The following NOTCH2 variants were observed in gnomAD, a reference collection of about 807,000 sequenced individuals.
NOTCH2 encodes notch receptor 2.
In NOTCH2, 29 loss-of-function variants were observed where a neutral mutation model predicts 235.8. The observed-to-expected ratio is 0.12, with a 90% confidence interval of 0.09 to 0.17. The LOEUF is 0.17. Among genes scored for constraint, NOTCH2 ranks in the 10% least tolerant of loss-of-function variants. The pLI is 1.00. For synonymous variants in NOTCH2, 1,086 were observed against 1,141.5 expected (o/e 0.95, Z 0.98); for missense variants, 2,285 against 3,150.2 (o/e 0.73, Z 6.57).
chr1:119,928,005 G>A (rs17024526), intron 23 of NOTCH2, among the ~76,000 whole-genome samples: 2,394 of 152,216 alleles, frequency 0.016, 62 homozygotes, highest in African/African-American at 0.056. Context: ...CCTATTTTCT[G>A]ACTCCTAAGG....
In NOTCH2 at chr1:119,922,223, C is replaced by T. The variant is rs369976475; in HGVS notation, c.5213+13G>A. ...TATACTGTGAATAGTGGCTTATTGG[C>T]AATGCCTCTTACTTCAGCCCCACAG... On this transcript the variant is annotated intron_variant, in intron 28 of 33. Coordinates refer to ENST00000256646, the MANE Select transcript of NOTCH2 (RefSeq NM_024408.4). The T allele has an allele frequency of 1.2e-5, 19 of 1,612,768 alleles. No individual in the cohort carries two copies.
intron 19 of NOTCH2, among the ~76,000 whole-genome samples, chr1:119,938,482 T>C (rs782739944): frequency 1.6e-4 from 24 of 152,196 alleles, no homozygotes; most frequent in Admixed American, 5.2e-4. Context: ...ATAGCAGTCC[T>C]AGTGGTGGCA....
At chr1:120,041,935 A>C (rs371741594) in intron 1 of NOTCH2, among the ~76,000 whole-genome samples, 5 of 146,162 alleles carry the variant, frequency 3.4e-5, no homozygotes, top group Admixed American at 6.7e-5. Context: ...GGAAGGAAGC[A>C]AAAGAAAGAA....
intron 1 of NOTCH2, among the ~76,000 whole-genome samples, chr1:120,067,411 G>C (rs780548475): frequency 6.6e-6 from 1 of 152,028 alleles, no homozygotes; most frequent in South Asian, 2.1e-4. Flanking sequence ...GGAGGGCATA[G>C]TTTTATGCAC....
chr1:119,928,924 A>G, intron 23 of NOTCH2, 52 bp downstream of exon 23: 1 of 1,518,056 alleles, frequency 6.6e-7, no homozygotes, highest in Non-Finnish European at 9.1e-7. Flanking sequence ...CAATTTGTTC[A>G]CTAAAACCAT....
At chr1:120,000,491 G>A (rs78214059) in intron 3 of NOTCH2, among the ~76,000 whole-genome samples, 4 of 132,714 alleles carry the variant, frequency 3.0e-5, no homozygotes, top group African/African-American at 1.3e-4. Context: ...CCGAGATTGT[G>A]CCCTGCACTC....
At chr1:119,975,071 A>C (rs1651519430) in intron 5 of NOTCH2, among the ~76,000 whole-genome samples, 1 of 152,194 alleles carries the variant, frequency 6.6e-6, no homozygotes, top group Non-Finnish European at 1.5e-5. Flanking sequence ...TGGCAAAATA[A>C]TTAGAAGTGA....
chr1:119,920,414 A>G lies in NOTCH2; in HGVS notation c.5311-17T>C, dbSNP rs1188690364. 1.9e-6 allele frequency: 3 copies of G among 1,614,006 alleles called. No individual in the cohort carries two copies. The highest frequency in any genetic ancestry group is 2.2e-5 in the East Asian group (1 of 44,880). ...ATCTTCAGCCTGAAAGGTGAAAACA[A>G]TGCTCCCTATCAATCTGGCCACCAC... On this transcript the variant is annotated splice_polypyrimidine_tract_variant and intron_variant, in intron 29 of 33. Transcript: ENST00000256646.
chr1:119,965,350 G>A (rs1651095377), intron 10 of NOTCH2, 103 bp downstream of exon 10: 1 of 920,592 alleles, frequency 1.1e-6, no homozygotes, highest in East Asian at 2.4e-5. Flanking sequence ...GGAGCCTCTG[G>A]GAGTGGACTG....
Position 119,963,685 on chromosome 1 carries a change from C to T in NOTCH2, c.1804G>A (p.Ala602Thr), listed in dbSNP as rs140311741. The T allele has an allele frequency of 4.8e-4, 778 of 1,613,966 alleles. No homozygotes were observed. The highest frequency in any genetic ancestry group is 6.2e-4 in the Non-Finnish European group (736 of 1,179,986). ...TCATCAATCTGGTCACTGCAGATGGCGCCCATGTACCCGGGATTGCAGATG... is the reference window on the plus strand; with the variant it reads ...TCATCAATCTGGTCACTGCAGATGGTGCCCATGTACCCGGGATTGCAGATG... ...TCICNPGYMG[A>T]ICSDQIDECY... The change falls in exon 11 of 34, where the codon GCC becomes ACC. Residue 602 changes from alanine to threonine, a missense_variant. Physicochemically the swap from Ala to Thr is moderately conservative, Grantham distance 58. This residue lies in a region of NOTCH2 where 431 missense variants were observed against 757.8 expected (regional missense o/e 0.57). Transcript: ENST00000256646.
intron 18 of NOTCH2, 105 bp from the exon 19 acceptor site, chr1:119,940,861 T>A: frequency 1.0e-6 from 1 of 995,960 alleles, no homozygotes; most frequent in Non-Finnish European, 1.6e-6. Context: ...CAAATACCTC[T>A]GAGCAACCCA....
chr1:120,010,333 C>T (rs1553206761), intron 2 of NOTCH2, among the ~76,000 whole-genome samples: 1 of 151,946 alleles, frequency 6.6e-6, no homozygotes, highest in South Asian at 2.1e-4. Flanking sequence ...AATTTCTATC[C>T]AATTAAGTAA....
intron 26 of NOTCH2, 61 bp from the exon 27 acceptor site, chr1:119,922,839 G>T (rs935945419): frequency 4.0e-5 from 64 of 1,604,542 alleles, no homozygotes; most frequent in Non-Finnish European, 5.4e-5. Flanking sequence ...AAGAGTGCAG[G>T]TCAGGCAGAA....
intron 4 of NOTCH2, among the ~76,000 whole-genome samples, chr1:119,992,108 TAGG>T (rs1553203220): frequency 1.1e-5 from 1 of 88,538 alleles, no homozygotes; most frequent in Non-Finnish European, 2.0e-5. Context: ...CAGAAATAAA[TAGG>T]AGGATTCAAA....
At chr1:119,952,257 G>A (rs1650503938) in intron 14 of NOTCH2, among the ~76,000 whole-genome samples, 1 of 152,160 alleles carries the variant, frequency 6.6e-6, no homozygotes, top group Non-Finnish European at 1.5e-5. Context: ...CAGCATTTTT[G>A]GCACCAGGGA....
chr1:120,027,114 G>C (rs1653885841), intron 2 of NOTCH2, among the ~76,000 whole-genome samples: 2 of 150,148 alleles, frequency 1.3e-5, no homozygotes, highest in South Asian at 4.3e-4. Flanking sequence ...ACCACGCCCA[G>C]CTAATTTTTT....
intron 22 of NOTCH2, chr1:119,935,203 T>C: frequency 1.5e-6 from 2 of 1,322,896 alleles, no homozygotes; most frequent in Non-Finnish European, 1.9e-6. Flanking sequence ...TTTAATGTTA[T>C]GCTAATGTTG....
chr1:120,004,867 G>A (rs1553206019), intron 3 of NOTCH2, among the ~76,000 whole-genome samples: 1 of 152,068 alleles, frequency 6.6e-6, no homozygotes, highest in African/African-American at 2.4e-5. Flanking sequence ...CAAACTCCTG[G>A]GCTCAAGCAA....
chr1:119,986,900 A>G (rs1314827306), intron 5 of NOTCH2, 60 bp downstream of exon 5: 50 of 1,610,656 alleles, frequency 3.1e-5, no homozygotes, highest in Non-Finnish European at 4.1e-5. Context: ...TTAAAAAAAC[A>G]GTCTGCCTCT....
Sources: gnomAD v4.1 joint callset for allele counts (sites outside exome capture counted in the v4.1 genomes callset) on GRCh38, gnomAD v4.1.1 for gene constraint, gnomAD v4.1.1 regional missense constraint, MANE v1.5 for transcripts, NCBI Gene and HGNC (gene_info 2026-07-23, HGNC 2026-07-21) for gene names.